Variants in CALD1 observed in about 807,000 individuals in gnomAD.
CALD1 encodes caldesmon 1.
Under a neutral mutation model 99.9 loss-of-function variants are expected in CALD1, and 33 were observed. The ratio of observed to expected loss-of-function variants is 0.33; its 90% CI spans 0.25 to 0.44. The LOEUF is 0.44. Among genes scored for constraint, CALD1 ranks in the 20% least tolerant of loss-of-function variants. CALD1 has a pLI of 1.00. For synonymous variants in CALD1, 310 were observed against 325.0 expected (o/e 0.95, Z 0.50); for missense variants, 861 against 962.1 (o/e 0.89, Z 1.39).
intron 1 of CALD1, among the ~76,000 whole-genome samples, chr7:134,745,185 T>C (rs540702595): frequency 6.6e-6 from 1 of 152,336 alleles, no homozygotes; most frequent in South Asian, 2.1e-4. Context: ...CCAGAGAAGA[T>C]AAAATTAAAA....
chr7:134,718,020 T>C, the CALD1 span, among the ~76,000 whole-genome samples: 1 of 152,186 alleles, frequency 6.6e-6, no homozygotes, highest in East Asian at 1.9e-4. Context: ...TTCCAGAAGG[T>C]AGAATTTTCA....
intron 3 of CALD1, among the ~76,000 whole-genome samples, chr7:134,912,120 C>T (rs946843222): frequency 3.3e-5 from 5 of 152,182 alleles, no homozygotes; most frequent in African/African-American, 1.2e-4. Context: ...GAAAGCTTTA[C>T]TGATGTTCGT....
chr7:134,962,852 G>C, intron 13 of CALD1: 1 of 456,364 alleles, frequency 2.2e-6, no homozygotes, highest in Non-Finnish European at 4.4e-6. Flanking sequence ...TTGGTCTCTG[G>C]TTGATTGGAA....
chr7:134,763,995 C>T (rs1210211330), intron 1 of CALD1, among the ~76,000 whole-genome samples: 1 of 151,998 alleles, frequency 6.6e-6, no homozygotes, highest in Admixed American at 6.6e-5. Context: ...AGCCCTTAGC[C>T]ATACTTAGGT....
intron 1 of CALD1, among the ~76,000 whole-genome samples, chr7:134,749,073 A>C (rs1348205336): frequency 2.0e-5 from 3 of 152,222 alleles, no homozygotes; most frequent in Non-Finnish European, 4.4e-5. Context: ...CATTTTCATT[A>C]TTTATAAGCC....
intron 3 of CALD1, among the ~76,000 whole-genome samples, chr7:134,874,779 T>G (rs1304297179): frequency 6.6e-6 from 1 of 152,224 alleles, no homozygotes; most frequent in Non-Finnish European, 1.5e-5. Flanking sequence ...GGCTTGATGA[T>G]TAGACATTTG....
At chr7:134,881,271 T>G (rs1374947709) in intron 3 of CALD1, among the ~76,000 whole-genome samples, 1 of 152,208 alleles carries the variant, frequency 6.6e-6, no homozygotes, top group Non-Finnish European at 1.5e-5. Context: ...GGGTCAAATC[T>G]GGAAACCTTG....
At chr7:134,855,921 TAC>T (rs1800280087) in intron 2 of CALD1, among the ~76,000 whole-genome samples, 3 of 152,224 alleles carry the variant, frequency 2.0e-5, no homozygotes, top group Admixed American at 2.0e-4. Flanking sequence ...AGTCCTTGAT[TAC>T]AAGTATTTTT....
intron 1 of CALD1, among the ~76,000 whole-genome samples, chr7:134,769,723 C>T (rs1304639391): frequency 1.3e-5 from 2 of 152,028 alleles, no homozygotes; most frequent in Admixed American, 6.6e-5. Flanking sequence ...CTGCAACCTC[C>T]GCCTCCCGGG....
chr7:134,747,258 C>G (rs1240352954), intron 1 of CALD1, among the ~76,000 whole-genome samples: 1 of 152,054 alleles, frequency 6.6e-6, no homozygotes, highest in Non-Finnish European at 1.5e-5. Flanking sequence ...GAAAGCAAGC[C>G]AGAAGAGTGA....
At chr7:134,913,944 G>A (rs986141606) in intron 3 of CALD1, among the ~76,000 whole-genome samples, 18 of 152,174 alleles carry the variant, frequency 1.2e-4, no homozygotes, top group African/African-American at 3.9e-4. Context: ...ATTGTAGAAA[G>A]AAAACAGGTA....
chr7:134,959,050 A>G (rs1171434520), intron 11 of CALD1, among the ~76,000 whole-genome samples: 2 of 151,456 alleles, frequency 1.3e-5, no homozygotes, highest in Non-Finnish European at 2.9e-5. Flanking sequence ...ATGGCACATC[A>G]TTATTTTTCA....
chr7:134,964,722 A>T (rs1030971873), intron 13 of CALD1, among the ~76,000 whole-genome samples: 1 of 152,166 alleles, frequency 6.6e-6, no homozygotes, highest in African/African-American at 2.4e-5. Flanking sequence ...ATCAAACCCC[A>T]AATTAATCAT....
chr7:134,867,395 T>G (rs4732064), intron 2 of CALD1, among the ~76,000 whole-genome samples: 118,287 of 152,086 alleles, frequency 0.78, 46,510 homozygotes, highest in East Asian at 0.98. Flanking sequence ...AAATCATTCA[T>G]TAGAATTTCA....
At chr7:134,761,277 T>C (rs1796773925) in intron 1 of CALD1, among the ~76,000 whole-genome samples, 1 of 152,150 alleles carries the variant, frequency 6.6e-6, no homozygotes, top group African/African-American at 2.4e-5. Flanking sequence ...GTTCTGACAT[T>C]TAAGAAAAAA....
chr7:134,731,327 C>T, the CALD1 span, among the ~76,000 whole-genome samples: 1 of 152,178 alleles, frequency 6.6e-6, no homozygotes, highest in Non-Finnish European at 1.5e-5. Flanking sequence ...AGCAAGTTTC[C>T]CTGCTTGCTT....
the CALD1 span, among the ~76,000 whole-genome samples, chr7:134,728,491 A>G: frequency 3.9e-5 from 6 of 152,226 alleles, no homozygotes; most frequent in Non-Finnish European, 7.3e-5. Context: ...GAACAAGTGT[A>G]GGCTACAGTC....
At chr7:134,720,073 C>T in the CALD1 span, among the ~76,000 whole-genome samples, 1 of 152,016 alleles carries the variant, frequency 6.6e-6, no homozygotes, top group South Asian at 2.1e-4. Context: ...TAGAATGTAG[C>T]CTTTGTAAAC....
At chr7:134,859,328 A>T (rs1415792464) in intron 2 of CALD1, among the ~76,000 whole-genome samples, 1 of 152,228 alleles carries the variant, frequency 6.6e-6, no homozygotes, top group African/African-American at 2.4e-5. Flanking sequence ...TTTTTCTCAC[A>T]TGGACACAAG....
Sources: gnomAD v4.1 joint callset for allele counts (sites outside exome capture counted in the v4.1 genomes callset) on GRCh38, gnomAD v4.1.1 for gene constraint, MANE v1.5 for transcripts, NCBI Gene and HGNC (gene_info 2026-07-23, HGNC 2026-07-21) for gene names.